PCDH15: variants seen among roughly 807,000 people sequenced by gnomAD.
PCDH15 encodes the protein protocadherin-15.
A neutral mutation model predicts 178.5 loss-of-function variants in PCDH15; 129 were observed. That is an observed-to-expected ratio of 0.72 (90% CI 0.63 to 0.84). The LOEUF is 0.84. PCDH15 is among the 40% of genes least tolerant of loss of function. The probability of loss-of-function intolerance (pLI) is 0.00; values close to 1 mark genes in which losing one functional copy is unlikely to be tolerated. For synonymous variants in PCDH15, 800 were observed against 732.0 expected, an observed-to-expected ratio of 1.09 and a Z score of -1.50; for missense variants, 2,230 against 2,099.9, an observed-to-expected ratio of 1.06 and a Z score of -1.21.
At chr10:55,383,036 G>T (rs904198033) in intron 2 of PCDH15, among the ~76,000 whole-genome samples, 3 of 152,154 alleles carry the variant, frequency 2.0e-5, no homozygotes, top group Non-Finnish European at 2.9e-5. Context: ...TTGGTACCAG[G>T]TTCTAACTTG....
chr10:54,864,785 C>T (rs1040647943), intron 3 of PCDH15: 2 of 152,112 alleles, frequency 1.3e-5, no homozygotes, highest in African/African-American at 4.8e-5. Context: ...AGCTGGCTTC[C>T]CCTAGAGCAA....
At chr10:54,889,337 A>G (rs746797103) in intron 3 of PCDH15, among the ~76,000 whole-genome samples, 5 of 151,774 alleles carry the variant, frequency 3.3e-5, no homozygotes, top group Non-Finnish European at 5.9e-5. Flanking sequence ...TGAGTAAGTA[A>G]TTAGCACATT....
intron 18 of PCDH15, among the ~76,000 whole-genome samples, chr10:54,051,755 A>T (rs1278172440): frequency 2.0e-5 from 3 of 152,172 alleles, no homozygotes; most frequent in Non-Finnish European, 4.4e-5. Flanking sequence ...CATTGGGGAA[A>T]ATGTCTCCAG....
chr10:54,313,429 G>T (rs857376), intron 8 of PCDH15, among the ~76,000 whole-genome samples: 77,778 of 151,742 alleles, frequency 0.51, 20,560 homozygotes, highest in Middle Eastern at 0.61. Flanking sequence ...AGATAGTGAG[G>T]CATTCTGACC....
intron 2 of PCDH15, among the ~76,000 whole-genome samples, chr10:55,618,781 G>A (rs2132167892): frequency 6.6e-6 from 1 of 152,050 alleles, no homozygotes; most frequent in East Asian, 1.9e-4. Flanking sequence ...CAATTGCCCA[G>A]TATTGTGTAC....
chr10:54,780,987 T>C (rs887411707), intron 1 of PCDH15, among the ~76,000 whole-genome samples: 5 of 152,106 alleles, frequency 3.3e-5, no homozygotes, highest in Non-Finnish European at 7.3e-5. Context: ...ACGCACAGCC[T>C]ATGGTAAGGG....
intron 2 of PCDH15, among the ~76,000 whole-genome samples, chr10:54,660,415 G>A (rs2094472474): frequency 6.6e-6 from 1 of 151,966 alleles, no homozygotes; most frequent in Non-Finnish European, 1.5e-5. Flanking sequence ...ATTGAACCAG[G>A]AGGAAATTGA....
chr10:55,343,119 G>A (rs532067039), intron 2 of PCDH15, among the ~76,000 whole-genome samples: 23 of 152,252 alleles, frequency 1.5e-4, no homozygotes, highest in Non-Finnish European at 2.4e-4. Flanking sequence ...ATTTTAGCAG[G>A]CCAAGTTGGG....
At chr10:54,375,063 T>C (rs1236113807) in intron 4 of PCDH15, among the ~76,000 whole-genome samples, 1 of 152,114 alleles carries the variant, frequency 6.6e-6, no homozygotes, top group African/African-American at 2.4e-5. Context: ...AAAATAAATT[T>C]TTCTCTAACT....
intron 13 of PCDH15, among the ~76,000 whole-genome samples, chr10:54,171,335 ACTTTT>A (rs1448224101): frequency 1.3e-5 from 2 of 152,180 alleles, no homozygotes; most frequent in Non-Finnish European, 2.9e-5. Context: ...ACTGGACAAT[ACTTTT>A]ACCACTTTCC....
At chr10:55,526,486 A>G (rs1279167887) in intron 2 of PCDH15, among the ~76,000 whole-genome samples, 1 of 151,968 alleles carries the variant, frequency 6.6e-6, no homozygotes, top group Non-Finnish European at 1.5e-5. Flanking sequence ...TGCTTCCTTA[A>G]TATCTGGCAA....
At chr10:55,319,985 C>T (rs994044573), upstream of PCDH15, among the ~76,000 whole-genome samples, 1 of 152,090 alleles carries the variant, frequency 6.6e-6, no homozygotes, top group African/African-American at 2.4e-5. Flanking sequence ...ACCTGAGTAT[C>T]CCTGTCTGCT....
At chr10:53,873,393 A>T (rs761401720) in intron 26 of PCDH15, among the ~76,000 whole-genome samples, 18 of 152,202 alleles carry the variant, frequency 1.2e-4, no homozygotes, top group Admixed American at 6.5e-4. Context: ...AACACTTACA[A>T]TTTGCCAGAT....
rs540007631 is a variant in PCDH15 at position 54,042,534 on chromosome 10, A to C, written c.2221-19337T>G. 1.3e-4 allele frequency among the ~76,000 whole-genome samples: 20 copies of C among 152,122 alleles called. No individual in the cohort carries two copies. The South Asian group carries it at 4.1e-3, about 32-fold the overall frequency. ...GAATCACACAGAGAGTTAGAGAAAG[A>C]GTGCTCCAGGCAGAGGTAACAACAA... On this transcript the variant is annotated intron_variant, in intron 18 of 37. Transcript: ENST00000644397.
At chr10:54,322,334 A>C (rs2061663649) in intron 7 of PCDH15, among the ~76,000 whole-genome samples, 1 of 151,868 alleles carries the variant, frequency 6.6e-6, no homozygotes, top group Non-Finnish European at 1.5e-5. Flanking sequence ...TCCCATTTTC[A>C]TCTGCATTTC....
chr10:55,170,838 C>T (rs1023752820), intron 1 of PCDH15, among the ~76,000 whole-genome samples: 2 of 151,868 alleles, frequency 1.3e-5, no homozygotes, highest in Non-Finnish European at 2.9e-5. Flanking sequence ...GCCAAGATCG[C>T]ACCATTGCAC....
At chr10:55,482,953 T>C (rs1180912057) in intron 2 of PCDH15, among the ~76,000 whole-genome samples, 1 of 151,600 alleles carries the variant, frequency 6.6e-6, no homozygotes, top group Non-Finnish European at 1.5e-5. Flanking sequence ...TTTCAGGTGC[T>C]GGGATGATTG....
At chr10:55,331,705 A>T (rs1474115298) in intron 2 of PCDH15, among the ~76,000 whole-genome samples, 1 of 152,128 alleles carries the variant, frequency 6.6e-6, no homozygotes, top group South Asian at 2.1e-4. Flanking sequence ...CTATTCTGCT[A>T]CTCACAAATG....
chr10:54,797,314 T>C lies in PCDH15; in HGVS notation c.-29+3611A>G, dbSNP rs549904216. Among the ~76,000 whole-genome samples the C allele has an allele frequency of 5.9e-5, 9 of 152,144 alleles. No individual in the cohort carries two copies. The South Asian group carries it at 1.7e-3, about 28-fold the overall frequency. On this transcript the variant is annotated intron_variant, in intron 1 of 37. Coordinates refer to ENST00000644397, the MANE Select transcript of PCDH15 (RefSeq NM_001384140.1). Reference sequence around the variant, plus strand: ...TACCAACTTGAAGGAAAGAAATGCTTCATTTTCTTTAGTTTTTTGAAATAA... The same window carrying C: ...TACCAACTTGAAGGAAAGAAATGCTCCATTTTCTTTAGTTTTTTGAAATAA...
Sources: allele counts gnomAD v4.1 joint callset (sites outside exome capture counted in the v4.1 genomes callset), GRCh38; gene constraint gnomAD v4.1.1; transcripts MANE v1.5; gene names NCBI Gene and HGNC (gene_info 2026-07-23, HGNC 2026-07-21).